USP49: variants seen among roughly 807,000 people sequenced by gnomAD.
USP49 encodes ubiquitin carboxyl-terminal hydrolase 49.
In USP49, 24 loss-of-function variants were observed where a neutral mutation model predicts 58.6. The ratio of observed to expected loss-of-function variants is 0.41; its 90% confidence interval spans 0.30 to 0.58. The LOEUF is 0.58. Among genes scored for constraint, USP49 ranks in the 20% least tolerant of loss-of-function variants. The pLI, the probability that USP49 is intolerant of heterozygous loss-of-function variation, is 0.30. For missense variants in USP49, 703 were observed against 866.1 expected (o/e 0.81, Z 2.36); for synonymous variants, 408 against 365.1 (o/e 1.12, Z -1.34).
rs566019957 is a variant in USP49, at chr6:41,796,246, C to T, written c.*287G>A. 6 of 310,050 alleles carry T rather than the reference C, an allele frequency of 1.9e-5. No homozygotes were observed. Among genetic ancestry groups the T allele is most frequent in the African/African-American group, 6.3e-5 (3 of 47,690 alleles). 19.2% of individuals were successfully genotyped at this position (310,050 alleles called of 1,614,324 possible). ...TGTGGATATGATTGATTTACCCCCCCGCCCCGCTTTCCTCCACCCAGATCC... is the reference window on the plus strand; with the variant it reads ...TGTGGATATGATTGATTTACCCCCCTGCCCCGCTTTCCTCCACCCAGATCC... On this transcript the variant is annotated 3_prime_UTR_variant, in exon 8 of 8. Coordinates refer to ENST00000682992, the MANE Select transcript of USP49 (RefSeq NM_001286554.2).
chr6:41,863,782 T>G (rs531556254), intron 3 of USP49, among the ~76,000 whole-genome samples: 2 of 152,250 alleles, frequency 1.3e-5, no homozygotes, highest in African/African-American at 4.8e-5. Context: ...TTTATTTATT[T>G]TTGATTCACC....
At chr6:41,845,900 T>C (rs1164777111) in intron 3 of USP49, among the ~76,000 whole-genome samples, 1 of 152,194 alleles carries the variant, frequency 6.6e-6, no homozygotes, top group Non-Finnish European at 1.5e-5. Context: ...CCCTCACTTA[T>C]TATAGTCTAC....
At chr6:41,804,818 G>A (rs137910597) in intron 4 of USP49, among the ~76,000 whole-genome samples, 220 of 152,058 alleles carry the variant, frequency 1.4e-3, no homozygotes, top group African/African-American at 5.2e-3. Context: ...GCACAATCTC[G>A]GCTCACCGCA....
chr6:41,874,192 G>T (rs543386252), intron 2 of USP49: 1 of 152,256 alleles, frequency 6.6e-6, no homozygotes, highest in African/African-American at 2.4e-5. Context: ...TTTATTACAA[G>T]ACCTTCCTTA....
In USP49 at chr6:41,806,459, C is replaced by T; in HGVS notation, c.525G>A (p.Glu175=). The T allele has an allele frequency of 1.3e-6, 2 of 1,594,566 alleles. No homozygotes were observed. The highest frequency in any genetic ancestry group is 1.7e-6 in the Non-Finnish European group (2 of 1,177,884). The change falls in exon 4 of 8, where the codon GAG becomes GAA. Residue 175 remains glutamate, a synonymous_variant. Transcript: ENST00000682992. The surrounding 1 kb of genome is among the most constrained non-coding windows in gnomAD (Gnocchi z 5.9). Reference sequence around the variant, plus strand: ...CCTCCTTCTTGCGCTCCAGGGCCTCCTCCTGCCGCCGCTGCTCCAGCTTCG... The same window carrying T: ...CCTCCTTCTTGCGCTCCAGGGCCTCTTCCTGCCGCCGCTGCTCCAGCTTCG... ...GQAKLEQRRQ[E]EALERKKEEA...
intron 2 of USP49, among the ~76,000 whole-genome samples, chr6:41,885,438 T>C (rs973493115): frequency 1.3e-5 from 2 of 152,202 alleles, no homozygotes; most frequent in East Asian, 1.9e-4. Flanking sequence ...CAACCTGTAG[T>C]AGGACAACAG....
At chr6:41,802,475 A>AT (rs1326428600) in intron 5 of USP49, among the ~76,000 whole-genome samples, 814 of 66,336 alleles carry the variant, frequency 0.012, 35 homozygotes, top group African/African-American at 0.027. Context: ...TTTATTTTTT[A>AT]TTTATTTTTT....
At chr6:41,805,489 G>A in intron 4 of USP49, 139 bp downstream of exon 4, 1 of 900,336 alleles carries the variant, frequency 1.1e-6, no homozygotes, top group Non-Finnish European at 1.7e-6. Context: ...AGAATGAAAG[G>A]TATAATGGCC....
Position 41,850,464 on chromosome 6 carries a change from A to T in USP49, c.-29+21100T>A, listed in dbSNP as rs9357369. Among the ~76,000 whole-genome samples, 8 of 149,394 alleles carry T rather than the reference A, an allele frequency of 5.4e-5. 1 individual carries two copies. Among genetic ancestry groups the T allele is most frequent in the African/African-American group, 2.0e-4 (8 of 40,834 alleles). Reference sequence around the variant, plus strand: ...CCTCTAAGGAAAGAAAAAAAAAAAAAATAAATAAATAAATAATATAAAATA... The same window carrying T: ...CCTCTAAGGAAAGAAAAAAAAAAAATATAAATAAATAAATAATATAAAATA... On this transcript the variant is annotated intron_variant, in intron 3 of 7. Transcript: ENST00000682992.
In USP49 at chr6:41,792,240, G is replaced by C. The variant is rs1772809907; in HGVS notation, c.*4293C>G. 1 of 152,226 alleles carries C rather than the reference G, an allele frequency of 6.6e-6. No individual in the cohort carries two copies. The highest frequency in any genetic ancestry group is 6.5e-5 in the Admixed American group (1 of 15,282). 9.4% of individuals were successfully genotyped at this position (152,226 alleles called of 1,614,324 possible). ...CACCACTCCCTTTGCATATTACACA[G>C]TGCACTGGCTTGCCTTACAATCTAA... On this transcript the variant is annotated 3_prime_UTR_variant, in exon 8 of 8. Coordinates refer to ENST00000682992, the MANE Select transcript of USP49 (RefSeq NM_001286554.2).
chr6:41,889,090 T>C (rs1774768061), intron 2 of USP49, among the ~76,000 whole-genome samples: 1 of 151,900 alleles, frequency 6.6e-6, no homozygotes, highest in African/African-American at 2.4e-5. Flanking sequence ...TGGAGTGCAG[T>C]GGCTTGATCT....
At chr6:41,857,603 C>G (rs1483380601) in intron 3 of USP49, among the ~76,000 whole-genome samples, 1 of 152,142 alleles carries the variant, frequency 6.6e-6, no homozygotes, top group African/African-American at 2.4e-5. Flanking sequence ...TGCACTTTAG[C>G]CTGGGCAACA....
intron 3 of USP49, among the ~76,000 whole-genome samples, chr6:41,827,959 G>T (rs1773569902): frequency 6.6e-6 from 1 of 152,052 alleles, no homozygotes; most frequent in South Asian, 2.1e-4. Flanking sequence ...GAATTACAAA[G>T]CTGGCTTACT....
At chr6:41,870,976 G>A (rs549231867) in intron 3 of USP49, among the ~76,000 whole-genome samples, 34 of 151,948 alleles carry the variant, frequency 2.2e-4, no homozygotes, top group East Asian at 5.8e-4. Flanking sequence ...GCTTGCACCC[G>A]GGAGGCAGAG....
At position 41,806,623 on chromosome 6, in the gene USP49, CCATGGACCG is replaced by C. The variant is rs1190866296; in HGVS notation, c.352_360del (p.Arg118_Met120del). The C allele has an allele frequency of 6.2e-7, 1 of 1,611,796 alleles. No individual in the cohort carries two copies. Among genetic ancestry groups the C allele is most frequent in the Admixed American group, 1.7e-5 (1 of 59,970 alleles). The stretch of plus-strand genomic sequence containing the variant: ...GGCAGGACCACGTCCTCACCCGAAG[CCATGGACCG>C]CAGCGTCCGCCCACGTCTCACCGGC... On this transcript the variant is annotated inframe_deletion, in exon 4 of 8. Transcript: ENST00000682992. The surrounding 1 kb of genome is among the most constrained non-coding windows in gnomAD (Gnocchi z 5.9).
chr6:41,799,094 A>T (rs1772947485), intron 6 of USP49, among the ~76,000 whole-genome samples, 165 bp from the exon 7 acceptor site: 1 of 151,242 alleles, frequency 6.6e-6, no homozygotes, highest in Admixed American at 6.6e-5. Context: ...TTATTTATTT[A>T]TTTATTTATT....
chr6:41,809,501 G>A (rs1369692686), intron 3 of USP49, among the ~76,000 whole-genome samples: 1 of 151,878 alleles, frequency 6.6e-6, no homozygotes, highest in Non-Finnish European at 1.5e-5. Context: ...TTCCAGCCTG[G>A]AGGACAGAGC....
At chr6:41,833,535 T>C (rs1017317444) in intron 3 of USP49, among the ~76,000 whole-genome samples, 1 of 152,244 alleles carries the variant, frequency 6.6e-6, no homozygotes, top group Non-Finnish European at 1.5e-5. Flanking sequence ...GCTACTCCAA[T>C]AACTTCTTCC....
intron 3 of USP49, among the ~76,000 whole-genome samples, chr6:41,840,146 G>A (rs1327250344): frequency 6.6e-6 from 1 of 151,670 alleles, no homozygotes; most frequent in Non-Finnish European, 1.5e-5. Flanking sequence ...AGGCCGAGGT[G>A]GGCGGATCGT....
Sources: allele counts gnomAD v4.1 joint callset (sites outside exome capture counted in the v4.1 genomes callset), GRCh38; gene constraint gnomAD v4.1.1; non-coding constraint Gnocchi (gnomAD v3.1); transcripts MANE v1.5; gene names NCBI Gene and HGNC (gene_info 2026-07-23, HGNC 2026-07-21).